SGSM2: variants seen among roughly 807,000 people sequenced by gnomAD.
SGSM2 encodes small G protein signaling modulator 2, also known as RUN and TBC1 domain containing 1.
A neutral mutation model predicts 126.6 loss-of-function variants in SGSM2; 89 were observed. That is an observed-to-expected ratio of 0.70 (90% confidence interval 0.59 to 0.84). The LOEUF is 0.84. Ranked by LOEUF, SGSM2 falls within the 40% of genes least tolerant of loss-of-function variation. The pLI is 0.00. For synonymous variants in SGSM2, 614 were observed against 574.3 expected (o/e 1.07, Z -0.99); for missense variants, 1,404 against 1,416.6 (o/e 0.99, Z 0.14).
At chr17:2,342,400 G>A (rs2064409984) in intron 1 of SGSM2, among the ~76,000 whole-genome samples, 1 of 151,934 alleles carries the variant, frequency 6.6e-6, no homozygotes, top group Non-Finnish European at 1.5e-5. Context: ...CTCCAGCCTG[G>A]GCAAAAGAGC....
chr17:2,346,146 G>A (rs770289459), intron 2 of SGSM2, among the ~76,000 whole-genome samples: 44 of 152,252 alleles, frequency 2.9e-4, no homozygotes, highest in Non-Finnish European at 4.6e-4. Context: ...TCCTAGCCAC[G>A]TCCGAATTCA....
chr17:2,379,703 T>C lies in SGSM2; in HGVS notation c.*183T>C. On this transcript the variant is annotated 3_prime_UTR_variant, in exon 24 of 24. Coordinates refer to ENST00000268989, the MANE Select transcript of SGSM2 (RefSeq NM_014853.3). ...CTGCAGGGCAAGTCAGGGGCCAGGATGCCCTCGGATCAGGGCCGGGATGGG... is the reference window on the plus strand; with the variant it reads ...CTGCAGGGCAAGTCAGGGGCCAGGACGCCCTCGGATCAGGGCCGGGATGGG... The C allele has an allele frequency of 7.0e-7, 1 of 1,419,378 alleles. No homozygotes were observed. The highest frequency in any genetic ancestry group is 9.2e-7 in the Non-Finnish European group (1 of 1,085,564). The allele number at this position is 1,419,378 out of a possible 1,614,324, so 87.9% of individuals were successfully genotyped here. A position where few individuals can be genotyped will look rare whatever the true frequency, so the allele number is the denominator to read the frequency against.
Position 2,375,152 on chromosome 17 carries a change from A to G in SGSM2, c.2101-340A>G, listed in dbSNP as rs2066067122. Reference sequence around the variant, plus strand: ...CTAAGGCCATTCTCCCGGTCTCATGACTTCAGGCGTTTCTAGAATGAGACT... The same window carrying G: ...CTAAGGCCATTCTCCCGGTCTCATGGCTTCAGGCGTTTCTAGAATGAGACT... On this transcript the variant is annotated intron_variant, in intron 17 of 23. Transcript: ENST00000268989. 1.3e-5 allele frequency: 3 copies of G among 226,296 alleles called. No homozygotes were observed. In the East Asian group the frequency reaches 2.9e-4, roughly 22 times the overall value. The allele number at this position is 226,296 out of a possible 1,614,324, so 14.0% of individuals were successfully genotyped here.
At chr17:2,340,334 C>CTT (rs2064294176) in intron 1 of SGSM2, among the ~76,000 whole-genome samples, 2 of 151,798 alleles carry the variant, frequency 1.3e-5, no homozygotes, top group African/African-American at 2.4e-5. Context: ...AGGATAGTCT[C>CTT]GATCTCCTGA....
chr17:2,372,096 T>TA lies in SGSM2; in HGVS notation c.1578-93dup. ...CCTCCTCGCACCCTCCCCAGTGCCT[T>TA]ACCTGCCCCCCAGGACAGAGCCTCC... On this transcript the variant is annotated intron_variant, in intron 13 of 23. Transcript: ENST00000268989. The surrounding 1 kb of genome is among the most constrained non-coding windows in gnomAD (Gnocchi z 6.0). 1 of 1,465,224 alleles carries TA rather than the reference T, an allele frequency of 6.8e-7. No individual in the cohort carries two copies. Among genetic ancestry groups the TA allele is most frequent in the Non-Finnish European group, 9.5e-7 (1 of 1,056,754 alleles). 90.8% of individuals were successfully genotyped at this position (1,465,224 alleles called of 1,614,324 possible).
chr17:2,358,127 G>A (rs1390124560), intron 2 of SGSM2, among the ~76,000 whole-genome samples: 1 of 152,198 alleles, frequency 6.6e-6, no homozygotes, highest in Non-Finnish European at 1.5e-5. Flanking sequence ...GGTCACAGTG[G>A]GGACCTGGGG....
intron 22 of SGSM2, 39 bp downstream of exon 22, chr17:2,377,992 C>A: frequency 7.9e-7 from 1 of 1,259,914 alleles, no homozygotes; most frequent in Non-Finnish European, 1.2e-6. Flanking sequence ...AGGTCAGGGA[C>A]AGTGAGAGAT....
Position 2,376,746 on chromosome 17 carries a change from C to G in SGSM2, c.2623C>G (p.His875Asp), listed in dbSNP as rs772180515. 12 of 1,614,014 alleles carry G rather than the reference C, an allele frequency of 7.4e-6. No homozygotes were observed. In the Admixed American group the frequency reaches 1.8e-4, roughly 25 times the overall value. Residue 875 changes from histidine (H) to aspartate (D), a missense_variant, in exon 20 of 24, where the codon CAC (histidine) becomes GAC (aspartate). His to Asp is a moderately conservative substitution (Grantham distance 81). Transcript: ENST00000268989. ...CCTGCCTTTCAGCTACGTGTGGGAG[C>G]ACCTGGACGTGGGCTATGTGCAGGG... is the stretch of plus-strand genomic sequence containing the variant. ...RDVMCSYVWE[H>D]LDVGYVQGMC...
In SGSM2 at chr17:2,362,288, CA is replaced by C. The variant is rs1434406425; in HGVS notation, c.458+23del. On this transcript the variant is annotated intron_variant, in intron 4 of 23. Coordinates refer to ENST00000268989, the MANE Select transcript of SGSM2 (RefSeq NM_014853.3). The surrounding 1 kb of genome is among the most constrained non-coding windows in gnomAD (Gnocchi z 4.9). ...AACTGCAGGTGACCGCCCCGTTCCC[CA>C]AAAACTGCAGGTGACCACCCCGTTC... The C allele has an allele frequency of 7.5e-6, 12 of 1,599,126 alleles. No homozygotes were observed. Among genetic ancestry groups the C allele is most frequent in the Non-Finnish European group, 6.8e-6 (8 of 1,172,816 alleles).
At chr17:2,352,933 A>T (rs189291173) in intron 2 of SGSM2, among the ~76,000 whole-genome samples, 28 of 118,870 alleles carry the variant, frequency 2.4e-4, no homozygotes, top group South Asian at 6.0e-4. Flanking sequence ...GTCCGCCACC[A>T]CGCCCGGCTA....
Position 2,371,251 on chromosome 17 carries a change from C to T in SGSM2, c.1424-11C>T, listed in dbSNP as rs1490812687. On this transcript the variant is annotated splice_polypyrimidine_tract_variant and intron_variant, in intron 12 of 23. Transcript: ENST00000268989. ...CTCAGGCCCTGACCATGCCACCCTT[C>T]CTGCCCGCAGACGCTGGTGACATGA... 2 of 1,608,882 alleles carry T rather than the reference C, an allele frequency of 1.2e-6. No individual in the cohort carries two copies. The highest frequency in any genetic ancestry group is 1.7e-6 in the Non-Finnish European group (2 of 1,179,192).
At chr17:2,377,718 G>T (rs538630122) in intron 21 of SGSM2, 139 bp from the exon 22 acceptor site, 20 of 628,412 alleles carry the variant, frequency 3.2e-5, no homozygotes, top group South Asian at 2.8e-4. Flanking sequence ...AGAGTGCACC[G>T]CGCAGCACAG....
intron 1 of SGSM2, among the ~76,000 whole-genome samples, chr17:2,338,812 A>G (rs949027747): frequency 7.7e-6 from 1 of 129,460 alleles, no homozygotes; most frequent in African/African-American, 2.8e-5. Flanking sequence ...TAATCCCAGC[A>G]CGTTGGGAGG....
chr17:2,379,339 A>G (rs1196124128), intron 23 of SGSM2, 93 bp from the exon 24 acceptor site: 2 of 1,563,864 alleles, frequency 1.3e-6, no homozygotes, highest in Admixed American at 3.6e-5. Flanking sequence ...AGAATCTAGC[A>G]GAGCAGATGG....
chr17:2,371,584 T>C, intron 13 of SGSM2, 169 bp downstream of exon 13: 1 of 753,442 alleles, frequency 1.3e-6, no homozygotes, highest in Non-Finnish European at 2.1e-6. Context: ...AGTTATGGAA[T>C]TACCATGAGC....
At chr17:2,351,812 AG>A (rs1264180275) in intron 2 of SGSM2, among the ~76,000 whole-genome samples, 19 of 152,294 alleles carry the variant, frequency 1.2e-4, no homozygotes, top group Middle Eastern at 3.4e-3. Context: ...TACCCGCCTC[AG>A]GACAGTTCTT....
chr17:2,351,209 C>A (rs1242704186), intron 2 of SGSM2, among the ~76,000 whole-genome samples: 9 of 151,408 alleles, frequency 5.9e-5, no homozygotes, highest in African/African-American at 1.9e-4. Context: ...GCCAAGATCA[C>A]GTCACTGCAC....
rs187863508 is a variant in SGSM2, at chr17:2,341,784, C to T, written c.58-1761C>T. The stretch of plus-strand genomic sequence containing the variant: ...ACATGGGAGTGTAAAGTGGTATAAC[C>T]AACTTTGGAGAACAATTTGGCAATA... On this transcript the variant is annotated intron_variant, in intron 1 of 23. Coordinates refer to ENST00000268989, the MANE Select transcript of SGSM2 (RefSeq NM_014853.3). Among the ~76,000 whole-genome samples the T allele has an allele frequency of 3.3e-5, 5 of 152,264 alleles. No homozygotes were observed. In the East Asian group the frequency reaches 9.7e-4, roughly 29 times the overall value.
rs2066371999 is a variant in SGSM2, at chr17:2,380,677, C to G, written c.*1157C>G. On this transcript the variant is annotated 3_prime_UTR_variant, in exon 24 of 24. Transcript: ENST00000268989. Reference sequence around the variant, plus strand: ...CGGCCATCCCCACTTCCTCCTCTACCCCAACACATGCAGGCTAGGCCTTGC... The same window carrying G: ...CGGCCATCCCCACTTCCTCCTCTACGCCAACACATGCAGGCTAGGCCTTGC... 2.9e-6 allele frequency: 1 copy of G among 340,672 alleles called. No homozygotes were observed. Among genetic ancestry groups the G allele is most frequent in the Admixed American group, 4.5e-5 (1 of 22,224 alleles). The allele number at this position is 340,672 out of a possible 1,614,324, so 21.1% of individuals were successfully genotyped here. A position where few individuals can be genotyped will look rare whatever the true frequency, so the allele number is the denominator to read the frequency against.
Sources: gnomAD v4.1 joint callset for allele counts (sites outside exome capture counted in the v4.1 genomes callset) on GRCh38, gnomAD v4.1.1 for gene constraint, Gnocchi (gnomAD v3.1) non-coding constraint, MANE v1.5 for transcripts, NCBI Gene and HGNC (gene_info 2026-07-23, HGNC 2026-07-21) for gene names.